Variants in PTPN9 observed in about 807,000 individuals in gnomAD.
PTPN9 encodes tyrosine-protein phosphatase non-receptor type 9.
In PTPN9, 26 loss-of-function variants were observed where a neutral mutation model predicts 69.8. The observed-to-expected ratio is 0.37, with a 90% CI of 0.27 to 0.52. The LOEUF (loss-of-function observed/expected upper bound fraction) is 0.52, where lower values mean the gene tolerates loss of function less well. Among genes scored for constraint, PTPN9 ranks in the 20% least tolerant of loss-of-function variants. The pLI, the probability that PTPN9 is intolerant of heterozygous loss-of-function variation, is 0.91. For synonymous variants in PTPN9, 274 were observed against 272.5 expected (o/e 1.01, Z -0.05); for missense variants, 549 against 740.3 (o/e 0.74, Z 3.00).
intron 9 of PTPN9, among the ~76,000 whole-genome samples, chr15:75,477,469 C>A (rs889384568): frequency 6.6e-6 from 1 of 152,090 alleles, no homozygotes. Context: ...GTGGCAGGTG[C>A]CTGTAATCCC....
intron 1 of PTPN9, among the ~76,000 whole-genome samples, chr15:75,542,115 G>C (rs1325719089): frequency 3.3e-5 from 5 of 152,072 alleles, no homozygotes; most frequent in African/African-American, 1.2e-4. Context: ...AATGTATATT[G>C]GGAACTCAGA....
chr15:75,491,069 A>T lies in PTPN9; in HGVS notation c.969-768T>A, dbSNP rs568996048. 5.3e-5 allele frequency among the ~76,000 whole-genome samples: 8 copies of T among 152,218 alleles called. No individual in the cohort carries two copies. The South Asian group carries it at 1.7e-3, about 32-fold the overall frequency. On this transcript the variant is annotated intron_variant, in intron 7 of 12. Transcript: ENST00000618819. ...GGCTGCAGTGCGCTATGACAGCGCC[A>T]CTGCACACCAGCCTGGGTGACGGAG...
intron 4 of PTPN9, among the ~76,000 whole-genome samples, chr15:75,521,321 A>G (rs957533925): frequency 8.0e-5 from 12 of 149,570 alleles, no homozygotes; most frequent in Non-Finnish European, 1.8e-4. Flanking sequence ...GCGTGGTGGC[A>G]GGCGCCTGTA....
At chr15:75,483,726 AG>A (rs1411719246) in intron 8 of PTPN9, among the ~76,000 whole-genome samples, 1 of 152,206 alleles carries the variant, frequency 6.6e-6, no homozygotes, top group East Asian at 1.9e-4. Context: ...CGAAAGAATG[AG>A]GGTCATGATC....
chr15:75,528,875 G>T (rs1028074790), intron 1 of PTPN9, among the ~76,000 whole-genome samples: 7 of 150,154 alleles, frequency 4.7e-5, no homozygotes, highest in Non-Finnish European at 7.4e-5. Flanking sequence ...TAATTTTTTT[G>T]ATTTTTTGTA....
chr15:75,473,835 TGTTTTACTCCCCAATGG>T, intron 9 of PTPN9, 68 bp from the exon 10 acceptor site: 4 of 1,221,858 alleles, frequency 3.3e-6, no homozygotes, highest in Non-Finnish European at 3.6e-6. Context: ...TAGGCGCTTC[TGTTTTACTCCCCAATGG>T]TAACTCCAAA....
At chr15:75,572,465 T>C (rs1029849067) in intron 1 of PTPN9, among the ~76,000 whole-genome samples, 2 of 152,086 alleles carry the variant, frequency 1.3e-5, no homozygotes, top group Admixed American at 6.6e-5. Flanking sequence ...ATCCGAGCAC[T>C]TGGGGAGGCC....
chr15:75,481,892 G>A (rs1298001123), intron 8 of PTPN9, among the ~76,000 whole-genome samples: 2 of 146,180 alleles, frequency 1.4e-5, no homozygotes, highest in African/African-American at 2.5e-5. Context: ...GGGCGCCTCT[G>A]CCCGGCCGCC....
chr15:75,519,451 G>A (rs1467551244), intron 4 of PTPN9, among the ~76,000 whole-genome samples: 1 of 151,664 alleles, frequency 6.6e-6, no homozygotes, highest in East Asian at 2.0e-4. Flanking sequence ...CACCTCCTGG[G>A]AACCTCCATA....
At chr15:75,559,751 C>T (rs1265056969) in intron 1 of PTPN9, among the ~76,000 whole-genome samples, 1 of 125,882 alleles carries the variant, frequency 7.9e-6, no homozygotes, top group East Asian at 2.0e-4. Context: ...CTGCGAGAAA[C>T]ACCCAAGAAT....
chr15:75,505,484 A>G (rs996452632), intron 7 of PTPN9, among the ~76,000 whole-genome samples, 191 bp downstream of exon 7: 3 of 149,842 alleles, frequency 2.0e-5, no homozygotes, highest in African/African-American at 7.4e-5. Flanking sequence ...AAAAAAAAGA[A>G]AAAAAAAAAG....
At chr15:75,511,483 C>T (rs2074845041) in intron 5 of PTPN9, among the ~76,000 whole-genome samples, 1 of 152,146 alleles carries the variant, frequency 6.6e-6, no homozygotes, top group Non-Finnish European at 1.5e-5. Flanking sequence ...TGGGTTCAAG[C>T]AATCTGCCTG....
intron 1 of PTPN9, among the ~76,000 whole-genome samples, chr15:75,532,542 T>TGAAC (rs1461096811): frequency 3.9e-5 from 6 of 152,350 alleles, no homozygotes; most frequent in Admixed American, 2.6e-4. Context: ...AGGTCCTTAA[T>TGAAC]GTTCTGTAGC....
chr15:75,520,603 C>T (rs370150564), intron 4 of PTPN9, among the ~76,000 whole-genome samples: 3 of 151,762 alleles, frequency 2.0e-5, no homozygotes, highest in African/African-American at 7.3e-5. Context: ...CTGCAACCTC[C>T]GCCCAAGTTC....
In PTPN9 at chr15:75,578,799, G is replaced by A. The variant is rs907230487; in HGVS notation, c.-23C>T. 4.9e-6 allele frequency: 6 copies of A among 1,222,528 alleles called. No homozygotes were observed. Among genetic ancestry groups the A allele is most frequent in the African/African-American group, 1.6e-5 (1 of 63,200 alleles). 75.7% of individuals were successfully genotyped at this position (1,222,528 alleles called of 1,614,324 possible). A position where few individuals can be genotyped will look rare whatever the true frequency, so the allele number is the denominator to read the frequency against. ...CATCCCCCCGCCACCGCCGCCGGGCGGACAAAACTCGCTCGCGAGCGCGGG... is the reference window on the plus strand; with the variant it reads ...CATCCCCCCGCCACCGCCGCCGGGCAGACAAAACTCGCTCGCGAGCGCGGG... On this transcript the variant is annotated 5_prime_UTR_variant, in exon 1 of 13. Transcript: ENST00000618819.
In PTPN9 at chr15:75,490,131, A is replaced by T. The variant is rs1270798981; in HGVS notation, c.1062+77T>A. 3.5e-6 allele frequency: 4 copies of T among 1,153,884 alleles called. No homozygotes were observed. The East Asian group carries it at 9.4e-5, about 27-fold the overall frequency. 71.5% of individuals were successfully genotyped at this position (1,153,884 alleles called of 1,614,324 possible). ...CTCGGAGTCTACTTTCATTCTACCG[A>T]AGTATTAGTAAGCTTCACTTTGGAA... On this transcript the variant is annotated intron_variant, in intron 8 of 12. Transcript: ENST00000618819.
intron 1 of PTPN9, among the ~76,000 whole-genome samples, chr15:75,530,026 A>G (rs1301772653): frequency 6.6e-6 from 1 of 151,270 alleles, no homozygotes; most frequent in Non-Finnish European, 1.5e-5. Context: ...ATATGGTGAA[A>G]CCCCGTCTCT....
chr15:75,540,811 C>T (rs1006743679), intron 1 of PTPN9, among the ~76,000 whole-genome samples: 8 of 151,734 alleles, frequency 5.3e-5, no homozygotes, highest in African/African-American at 1.9e-4. Flanking sequence ...GACGAGATGA[C>T]TCATGCCCGT....
chr15:75,509,042 C>T lies in PTPN9; in HGVS notation c.529-15G>A. On this transcript the variant is annotated splice_polypyrimidine_tract_variant and intron_variant, in intron 5 of 12. Coordinates refer to ENST00000618819, the MANE Select transcript of PTPN9 (RefSeq NM_002833.4). ...GGAAATGCTCCCTGTGGAGAAAACA[C>T]ATGAGGATTTAAGTGTAATGGAACC... 1 of 1,604,226 alleles carries T rather than the reference C, an allele frequency of 6.2e-7. No individual in the cohort carries two copies. The highest frequency in any genetic ancestry group is 8.5e-7 in the Non-Finnish European group (1 of 1,171,652).
Sources: allele counts gnomAD v4.1 joint callset (sites outside exome capture counted in the v4.1 genomes callset), GRCh38; gene constraint gnomAD v4.1.1; transcripts MANE v1.5; gene names NCBI Gene and HGNC (gene_info 2026-07-23, HGNC 2026-07-21).